The following PARD3B variants were observed in gnomAD, a reference collection of about 807,000 sequenced individuals.
PARD3B encodes partitioning defective 3 homolog B.
In PARD3B, 103 loss-of-function variants were observed where a neutral mutation model predicts 130.2. That is an observed-to-expected ratio of 0.79 (90% CI 0.67 to 0.93). The LOEUF is 0.93. PARD3B is among the 40% of genes least tolerant of loss of function. The pLI is 0.00. For synonymous variants in PARD3B, 583 were observed against 553.2 expected, an observed-to-expected ratio of 1.05 and a Z score of -0.76; for missense variants, 1,609 against 1,499.2, an observed-to-expected ratio of 1.07 and a Z score of -1.21.
chr2:205,301,543 A>G lies in PARD3B; in HGVS notation c.2472A>G (p.Leu824=). The G allele has an allele frequency of 6.2e-7, 1 of 1,614,098 alleles. No individual in the cohort carries two copies. Among genetic ancestry groups the G allele is most frequent in the African/African-American group, 1.3e-5 (1 of 75,010 alleles). Residue 824 remains leucine (L), a synonymous_variant, in exon 18 of 23, where the codon CTA becomes CTG. Transcript: ENST00000406610. This position sits in a 1 kb window ranked among gnomAD's most constrained non-coding sequence, Gnocchi z 5.2. The part of the protein sequence containing the change: ...CESAPQGNSE[L]EDMENKARKV... ...CTGCCCCTCAGGGGAATTCGGAGCT[A>G]GAGGACATGGAAAATAAAGCCAGGA...
At chr2:205,445,466 G>A (rs188667186) in intron 20 of PARD3B, among the ~76,000 whole-genome samples, 1 of 152,282 alleles carries the variant, frequency 6.6e-6, no homozygotes, top group Non-Finnish European at 1.5e-5. Flanking sequence ...AGAAGGCAAA[G>A]GGGAAGCAGG....
chr2:204,848,177 GGTGA>G, intron 2 of PARD3B, among the ~76,000 whole-genome samples: 1 of 152,140 alleles, frequency 6.6e-6, no homozygotes, highest in African/African-American at 2.4e-5. Flanking sequence ...CTTTATCATA[GGTGA>G]GTATGTATAG....
At chr2:204,894,577 A>G (rs1000156397) in intron 2 of PARD3B, among the ~76,000 whole-genome samples, 3 of 152,070 alleles carry the variant, frequency 2.0e-5, no homozygotes, top group Non-Finnish European at 4.4e-5. Flanking sequence ...AGCTTATTAT[A>G]GTAAATTGCA....
At chr2:204,847,857 G>A (rs74769184) in intron 2 of PARD3B, among the ~76,000 whole-genome samples, 5 of 152,324 alleles carry the variant, frequency 3.3e-5, no homozygotes, top group Non-Finnish European at 5.9e-5. Flanking sequence ...ATCGTATGCT[G>A]AGGTTGCTAA....
At chr2:204,861,486 T>G (rs1418323054) in intron 2 of PARD3B, among the ~76,000 whole-genome samples, 1 of 152,164 alleles carries the variant, frequency 6.6e-6, no homozygotes, top group Non-Finnish European at 1.5e-5. Context: ...TTTAAATTTT[T>G]GGTATCTCAA....
chr2:205,548,154 A>G (rs2052458055), intron 21 of PARD3B, among the ~76,000 whole-genome samples: 1 of 152,018 alleles, frequency 6.6e-6, no homozygotes, highest in South Asian at 2.1e-4. Flanking sequence ...GTTCCTAAGA[A>G]TAGTATTAGT....
chr2:205,416,977 C>A (rs939566774), intron 19 of PARD3B, among the ~76,000 whole-genome samples: 1 of 151,952 alleles, frequency 6.6e-6, no homozygotes, highest in Non-Finnish European at 1.5e-5. Context: ...ATGTGCACAA[C>A]GTGCAGGTTT....
At chr2:205,451,549 G>A (rs35527448) in intron 20 of PARD3B, among the ~76,000 whole-genome samples, 2,270 of 151,496 alleles carry the variant, frequency 0.015, 186 homozygotes, top group Admixed American at 0.13. Flanking sequence ...TAGTACTTTC[G>A]TCAAATATAT....
At chr2:205,441,180 A>C (rs2047702901) in intron 20 of PARD3B, among the ~76,000 whole-genome samples, 1 of 152,216 alleles carries the variant, frequency 6.6e-6, no homozygotes, top group Non-Finnish European at 1.5e-5. Flanking sequence ...ATAGATATTC[A>C]TGGATGATCA....
At chr2:205,396,235 A>C (rs1439576190) in intron 18 of PARD3B, among the ~76,000 whole-genome samples, 5 of 152,172 alleles carry the variant, frequency 3.3e-5, no homozygotes, top group Non-Finnish European at 7.3e-5. Flanking sequence ...CTCTTCTAAC[A>C]TCCTTTACAG....
chr2:204,884,581 T>A lies in PARD3B; in HGVS notation c.223-80571T>A, dbSNP rs566046011. On this transcript the variant is annotated intron_variant, in intron 2 of 22. Coordinates refer to ENST00000406610, the MANE Select transcript of PARD3B (RefSeq NM_001302769.2). Reference sequence around the variant, plus strand: ...ACCCAGATATTAGGCCCAGCATCCATTGGCTATTCTCTCTGATGCTCTCCC... The same window carrying A: ...ACCCAGATATTAGGCCCAGCATCCAATGGCTATTCTCTCTGATGCTCTCCC... 6.5e-4 allele frequency among the ~76,000 whole-genome samples: 99 copies of A among 152,266 alleles called. 1 individual carries two copies. The highest frequency in any genetic ancestry group is 6.8e-3 in the Middle Eastern group (2 of 294).
chr2:205,410,044 A>C (rs849267), intron 19 of PARD3B, among the ~76,000 whole-genome samples: 2 of 152,178 alleles, frequency 1.3e-5, no homozygotes, highest in Non-Finnish European at 2.9e-5. Context: ...GCTGTACCTC[A>C]GAGATACAGG....
chr2:205,530,617 A>G lies in PARD3B; in HGVS notation c.3181-22707A>G, dbSNP rs979055440. On this transcript the variant is annotated intron_variant, in intron 21 of 22. Transcript: ENST00000406610. The surrounding 1 kb of genome is among the most constrained non-coding windows in gnomAD (Gnocchi z 4.7). Reference sequence around the variant, plus strand: ...TAACACCCTTCCATCCTGAGGAGCTAGAGAATCCGAGATTCAGAGAGGGGC... The same window carrying G: ...TAACACCCTTCCATCCTGAGGAGCTGGAGAATCCGAGATTCAGAGAGGGGC... Among the ~76,000 whole-genome samples the G allele has an allele frequency of 6.6e-6, 1 of 152,118 alleles. No homozygotes were observed. The highest frequency in any genetic ancestry group is 2.4e-5 in the African/African-American group (1 of 41,388).
intron 1 of PARD3B, among the ~76,000 whole-genome samples, chr2:204,653,360 G>A (rs753647367): frequency 7.3e-5 from 11 of 150,636 alleles, no homozygotes; most frequent in Non-Finnish European, 1.5e-4. Context: ...CTTTTAAAAC[G>A]TTAAAGTAAC....
chr2:205,353,802 A>G (rs560985551), intron 18 of PARD3B, among the ~76,000 whole-genome samples: 3 of 152,286 alleles, frequency 2.0e-5, no homozygotes, highest in South Asian at 2.1e-4. Context: ...AAACAAAAAC[A>G]TAGTGAAAAT....
At chr2:205,062,335 CAGAG>C (rs1420100149) in intron 4 of PARD3B, among the ~76,000 whole-genome samples, 1 of 152,144 alleles carries the variant, frequency 6.6e-6, no homozygotes, top group African/African-American at 2.4e-5. Context: ...ACATGAGTCA[CAGAG>C]AGCACAGTGT....
At position 204,793,082 on chromosome 2, in the gene PARD3B, G is replaced by A. The variant is rs369238477; in HGVS notation, c.222+106800G>A. Among the ~76,000 whole-genome samples the A allele has an allele frequency of 6.4e-4, 97 of 152,216 alleles. 2 individuals carry two copies. In the South Asian group the frequency reaches 0.019, roughly 31 times the overall value. Reference sequence around the variant, plus strand: ...AAGACCAATTTTTTGTTTAATCCAAGGTGATCAAAAGAAGTCCCCAGTAAT... The same window carrying A: ...AAGACCAATTTTTTGTTTAATCCAAAGTGATCAAAAGAAGTCCCCAGTAAT... On this transcript the variant is annotated intron_variant, in intron 2 of 22. Transcript: ENST00000406610.
At position 205,073,733 on chromosome 2, in the gene PARD3B, C is replaced by T. The variant is rs568367853; in HGVS notation, c.504+26043C>T. On this transcript the variant is annotated intron_variant, in intron 4 of 22. Transcript: ENST00000406610. ...CATATTTTGTTCAATTCACACCAGG[C>T]GTTAGAACAGGAAACCATTAAAAAG... Among the ~76,000 whole-genome samples the T allele has an allele frequency of 7.2e-5, 11 of 152,084 alleles. No individual in the cohort carries two copies. The South Asian group carries it at 8.3e-4, about 11-fold the overall frequency.
intron 3 of PARD3B, among the ~76,000 whole-genome samples, chr2:205,010,818 A>G (rs1472290996): frequency 2.6e-5 from 4 of 152,102 alleles, no homozygotes; most frequent in Admixed American, 6.5e-5. Flanking sequence ...TATCAAGTCT[A>G]TATATTTTCA....
Sources: allele counts gnomAD v4.1 joint callset (sites outside exome capture counted in the v4.1 genomes callset), GRCh38; gene constraint gnomAD v4.1.1; non-coding constraint Gnocchi (gnomAD v3.1); transcripts MANE v1.5; gene names NCBI Gene and HGNC (gene_info 2026-07-23, HGNC 2026-07-21).